Variants in C1QTNF5 observed in about 807,000 individuals in gnomAD.
The protein encoded by C1QTNF5 is C1q and TNF related 5.
A neutral mutation model predicts 10.9 loss-of-function variants in C1QTNF5; 5 were observed. The ratio of observed to expected loss-of-function variants is 0.46; its 90% confidence interval spans 0.24 to 0.97. The LOEUF is 0.97. Among genes scored for constraint, C1QTNF5 ranks in the 50% least tolerant of loss-of-function variants. C1QTNF5 has a pLI of 0.19. For missense variants in C1QTNF5, 281 were observed against 339.4 expected, an observed-to-expected ratio of 0.83 and a Z score of 1.35; for synonymous variants, 161 against 156.5, an observed-to-expected ratio of 1.03 and a Z score of -0.22.
At chr11:119,344,546 C>CT (rs112776993), upstream of C1QTNF5, 502 of 1,606,532 alleles carry the variant, frequency 3.1e-4, 5 homozygotes, top group South Asian at 4.3e-3. Context: ...ACGGAGGGCC[C>CT]GGTTTGAGGC....
chr11:119,345,460 G>A (rs750045130), upstream of C1QTNF5: 30 of 1,613,884 alleles, frequency 1.9e-5, no homozygotes, highest in African/African-American at 8.0e-5. Flanking sequence ...AGTTCCAAGC[G>A]ATCAAAAAGG....
At chr11:119,344,457 G>C, upstream of C1QTNF5, 2 of 1,555,518 alleles carry the variant, frequency 1.3e-6, no homozygotes, top group African/African-American at 2.7e-5. Context: ...AGGGCTGGCG[G>C]TGATTACAGA....
In C1QTNF5 at chr11:119,340,526, A is replaced by C. The variant is rs1265347966; in HGVS notation, c.-43-86T>G. 19 of 997,960 alleles carry C rather than the reference A, an allele frequency of 1.9e-5. No individual in the cohort carries two copies. In the Admixed American group the frequency reaches 3.6e-4, roughly 19 times the overall value. 61.8% of individuals were successfully genotyped at this position (997,960 alleles called of 1,614,324 possible). Reference sequence around the variant, plus strand: ...CCCCGGCGCGGCCCAGTCGGTCCCCACCCCACTGCCGTGCCCCTGAGGCTG... The same window carrying C: ...CCCCGGCGCGGCCCAGTCGGTCCCCCCCCCACTGCCGTGCCCCTGAGGCTG... On this transcript the variant is annotated intron_variant, in intron 1 of 2. Coordinates refer to ENST00000528368, the MANE Select transcript of C1QTNF5 (RefSeq NM_001278431.2).
upstream of C1QTNF5, chr11:119,344,548 G>C: frequency 1.2e-6 from 2 of 1,609,490 alleles, no homozygotes; most frequent in South Asian, 1.1e-5. Flanking sequence ...GGAGGGCCCG[G>C]TTTGAGGCTG....
chr11:119,342,297 T>C (rs1444218846), upstream of C1QTNF5, among the ~76,000 whole-genome samples: 1 of 152,198 alleles, frequency 6.6e-6, no homozygotes, highest in African/African-American at 2.4e-5. Flanking sequence ...TGTAAGAGGA[T>C]GCCTTCATCT....
upstream of C1QTNF5, chr11:119,344,765 T>C (rs143891457): frequency 6.2e-7 from 1 of 1,613,906 alleles, no homozygotes; most frequent in Non-Finnish European, 8.5e-7. Context: ...TCCCTGGATG[T>C]GGGCACCAGG....
chr11:119,346,221 T>G, the C1QTNF5 span: 4 of 1,570,358 alleles, frequency 2.5e-6, no homozygotes, highest in Non-Finnish European at 3.5e-6. Context: ...ATGCTGTCCT[T>G]GGCTCCTGGG....
chr11:119,342,928 A>G, upstream of C1QTNF5: 1 of 1,612,862 alleles, frequency 6.2e-7, no homozygotes, highest in Non-Finnish European at 8.5e-7. Flanking sequence ...TGCTGATGCC[A>G]TGATCTGTCC....
upstream of C1QTNF5, chr11:119,344,989 C>A (rs763672504): frequency 1.9e-6 from 3 of 1,605,678 alleles, no homozygotes; most frequent in Admixed American, 5.1e-5. Context: ...TGGGGGGAGG[C>A]ACCCTTCCAC....
upstream of C1QTNF5, chr11:119,343,863 C>T: frequency 1.2e-6 from 2 of 1,613,984 alleles, no homozygotes; most frequent in East Asian, 2.2e-5. Context: ...CATACACCTC[C>T]ACGTAGTCAA....
At chr11:119,346,578 C>T in the C1QTNF5 span, 12,650 of 1,538,402 alleles carry the variant, frequency 8.2e-3, 71 homozygotes, top group Non-Finnish European at 8.9e-3. Context: ...AGGGCCCACT[C>T]GCTGACCACA....
upstream of C1QTNF5, chr11:119,343,864 A>G: frequency 1.2e-6 from 2 of 1,613,912 alleles, no homozygotes; most frequent in Non-Finnish European, 1.7e-6. Context: ...ATACACCTCC[A>G]CGTAGTCAAA....
chr11:119,343,397 A>AC (rs1950523800), upstream of C1QTNF5, among the ~76,000 whole-genome samples: 1 of 152,218 alleles, frequency 6.6e-6, no homozygotes, highest in Non-Finnish European at 1.5e-5. Flanking sequence ...TGTGCCTGTG[A>AC]TCCCAGCTAC....
upstream of C1QTNF5, chr11:119,342,522 T>C: frequency 6.3e-7 from 1 of 1,581,710 alleles, no homozygotes; most frequent in Non-Finnish European, 8.6e-7. Context: ...GATGGGACAC[T>C]GTGCAGTACG....
At chr11:119,341,339 C>T, upstream of C1QTNF5, 1 of 592,786 alleles carries the variant, frequency 1.7e-6, no homozygotes, top group Non-Finnish European at 3.0e-6. Flanking sequence ...GGCCAGTCAG[C>T]AGCCTGGGAC....
chr11:119,339,743 C>G lies in C1QTNF5; in HGVS notation c.320G>C (p.Ser107Thr). The change falls in exon 3 of 3, where the codon AGC becomes ACC. Residue 107 changes from serine (S) to threonine (T), a missense_variant. Coordinates refer to ENST00000528368, the MANE Select transcript of C1QTNF5 (RefSeq NM_001278431.2). This position sits in a 1 kb window ranked among gnomAD's most constrained non-coding sequence, Gnocchi z 5.4. ...CACCCGGCTCTCGGAGCGCTTGGCG[C>G]TGAAGGCGGATCGCGGAGGCACCGA... Reference protein sequence around the residue: ...ECSVPPRSAFSAKRSESRVPP... With the variant: ...ECSVPPRSAFTAKRSESRVPP... 6.3e-7 allele frequency: 1 copy of G among 1,596,862 alleles called. No homozygotes were observed. The highest frequency in any genetic ancestry group is 8.5e-7 in the Non-Finnish European group (1 of 1,177,686).
Position 119,339,232 on chromosome 11 carries a change from C to A in C1QTNF5, c.*99G>T. Reference sequence around the variant, plus strand: ...GCTCTACCCCACCTCCCTAGTCATTCACAATATTCCAGGGGGGCCAGCCCT... The same window carrying A: ...GCTCTACCCCACCTCCCTAGTCATTAACAATATTCCAGGGGGGCCAGCCCT... On this transcript the variant is annotated 3_prime_UTR_variant, in exon 3 of 3. Coordinates refer to ENST00000528368, the MANE Select transcript of C1QTNF5 (RefSeq NM_001278431.2). The surrounding 1 kb of genome is among the most constrained non-coding windows in gnomAD (Gnocchi z 5.4). 1.4e-6 allele frequency: 2 copies of A among 1,379,542 alleles called. No individual in the cohort carries two copies. The highest frequency in any genetic ancestry group is 1.3e-5 in the South Asian group (1 of 74,364). 85.5% of individuals were successfully genotyped at this position (1,379,542 alleles called of 1,614,324 possible). A position where few individuals can be genotyped will look rare whatever the true frequency, so the allele number is the denominator to read the frequency against.
chr11:119,343,133 G>A, upstream of C1QTNF5: 1 of 1,179,780 alleles, frequency 8.5e-7, no homozygotes, highest in Non-Finnish European at 1.2e-6. Flanking sequence ...CACAGGGTTA[G>A]GGTCTGGCGA....
At position 119,339,447 on chromosome 11, in the gene C1QTNF5, A is replaced by G. The variant is rs1422724743; in HGVS notation, c.616T>C (p.Trp206Arg). The G allele has an allele frequency of 6.2e-7, 1 of 1,613,928 alleles. No homozygotes were observed. The highest frequency in any genetic ancestry group is 1.1e-5 in the South Asian group (1 of 91,072). Reference sequence around the variant, plus strand: ...TAGTCACCCACACCCACCTGCACCCACACTTGGTCCTCAGGCTCCAGCCTC... The same window carrying G: ...TAGTCACCCACACCCACCTGCACCCGCACTTGGTCCTCAGGCTCCAGCCTC... ...MVRLEPEDQV[W>R]VQVGVGDYIG... is the part of the protein sequence containing the mutation. Residue 206 changes from tryptophan to arginine, a missense_variant, in exon 3 of 3, where the codon TGG (tryptophan) becomes CGG (arginine). Trp to Arg is a moderately radical substitution (Grantham distance 101). Transcript: ENST00000528368. The surrounding 1 kb of genome is among the most constrained non-coding windows in gnomAD (Gnocchi z 5.4).
Sources: allele counts gnomAD v4.1 joint callset (sites outside exome capture counted in the v4.1 genomes callset), GRCh38; gene constraint gnomAD v4.1.1; non-coding constraint Gnocchi (gnomAD v3.1); transcripts MANE v1.5; gene names NCBI Gene and HGNC (gene_info 2026-07-23, HGNC 2026-07-21).